Variants in COPS3 observed in about 807,000 individuals in gnomAD.
COPS3 encodes COP9 signalosome subunit 3, also known as COP9 signalosome complex subunit 3.
Under a neutral mutation model 58.2 loss-of-function variants are expected in COPS3, and 10 were observed. The observed-to-expected ratio is 0.17, with a 90% CI of 0.11 to 0.29. The LOEUF (loss-of-function observed/expected upper bound fraction) is 0.29. Ranked by LOEUF, COPS3 falls within the 10% of genes least tolerant of loss-of-function variation. The probability of loss-of-function intolerance (pLI) is 1.00; values close to 1 mark genes in which losing one functional copy is unlikely to be tolerated. For synonymous variants in COPS3, 187 were observed against 181.7 expected (o/e 1.03, Z -0.24); for missense variants, 333 against 510.1 (o/e 0.65, Z 3.34).
Position 17,280,684 on chromosome 17 carries a change from A to C in COPS3, c.55+448T>G, listed in dbSNP as rs767538513. 10 of 1,290,398 alleles carry C rather than the reference A, an allele frequency of 7.7e-6. No homozygotes were observed. The South Asian group carries it at 1.3e-4, about 16-fold the overall frequency. 79.9% of individuals were successfully genotyped at this position (1,290,398 alleles called of 1,614,324 possible). A position where few individuals can be genotyped will look rare whatever the true frequency, so the allele number is the denominator to read the frequency against. On this transcript the variant is annotated intron_variant, in intron 1 of 11. Transcript: ENST00000268717. ...CAGAGGCGAGCCATAGAGCCAAGAC[A>C]CCCAGAACGGACTCGCCTCCCGCCC...
At chr17:17,268,925 T>G (rs1159573287) in intron 4 of COPS3, among the ~76,000 whole-genome samples, 1 of 152,222 alleles carries the variant, frequency 6.6e-6, no homozygotes. Context: ...TCATGATTTT[T>G]CTTAACCATC....
intron 2 of COPS3, among the ~76,000 whole-genome samples, chr17:17,275,742 GAT>G (rs2048447720): frequency 6.6e-6 from 1 of 152,180 alleles, no homozygotes; most frequent in Admixed American, 6.5e-5. Flanking sequence ...AGGAGATCGA[GAT>G]CATCCTGGCT....
At chr17:17,265,383 A>G (rs931615458) in intron 5 of COPS3, among the ~76,000 whole-genome samples, 1 of 151,794 alleles carries the variant, frequency 6.6e-6, no homozygotes. Flanking sequence ...TTAGCCATTC[A>G]GAAAAAAACA....
intron 6 of COPS3, among the ~76,000 whole-genome samples, chr17:17,263,510 C>CTTTTTTTTT (rs34755381): frequency 1.6e-4 from 16 of 98,870 alleles, no homozygotes; most frequent in African/African-American, 6.5e-4. Context: ...CTTGCCTTTT[C>CTTTTTTTTT]TTTTTTTTTT....
intron 2 of COPS3, among the ~76,000 whole-genome samples, chr17:17,273,108 T>A (rs1207120142): frequency 2.6e-5 from 4 of 152,302 alleles, no homozygotes; most frequent in South Asian, 2.1e-4. Flanking sequence ...TGAAATGATA[T>A]AAATAAACTG....
intron 7 of COPS3, chr17:17,261,497 G>T: frequency 3.5e-6 from 1 of 289,166 alleles, no homozygotes; most frequent in South Asian, 3.2e-5. Context: ...CTGCACTCCA[G>T]CTTTGGTGAC....
rs1387883200 is a variant in COPS3, at chr17:17,257,796, C to CA, written c.936+2504dup. ...TGGGAGACAGAGCAAGACTCCGTCTCAAAAAAAAAAAAAAAGAAAAAGAAA... is the reference window on the plus strand; with the variant it reads ...TGGGAGACAGAGCAAGACTCCGTCTCAAAAAAAAAAAAAAAAGAAAAAGAAA... On this transcript the variant is annotated intron_variant, in intron 8 of 11. Coordinates refer to ENST00000268717, the MANE Select transcript of COPS3 (RefSeq NM_003653.4). Among the ~76,000 whole-genome samples the CA allele has an allele frequency of 7.8e-3, 465 of 59,936 alleles. 2 individuals are homozygous for CA. Among genetic ancestry groups the CA allele is most frequent in the African/African-American group, 0.013 (200 of 15,698 alleles). 39.3% of individuals were successfully genotyped at this position (59,936 alleles called of 152,430 possible).
At chr17:17,254,588 G>C (rs1011992598) in intron 9 of COPS3, among the ~76,000 whole-genome samples, 1 of 152,044 alleles carries the variant, frequency 6.6e-6, no homozygotes, top group Non-Finnish European at 1.5e-5. Flanking sequence ...GAGGCGGGCA[G>C]ATCACGTGGT....
chr17:17,276,483 T>C (rs764768967), intron 1 of COPS3, among the ~76,000 whole-genome samples: 3 of 152,110 alleles, frequency 2.0e-5, no homozygotes, highest in Non-Finnish European at 4.4e-5. Flanking sequence ...ATGATTTAGT[T>C]TTACTTCCAA....
At chr17:17,249,943 A>C (rs768010029) in intron 9 of COPS3, among the ~76,000 whole-genome samples, 20 of 152,028 alleles carry the variant, frequency 1.3e-4, no homozygotes, top group Non-Finnish European at 2.6e-4. Context: ...TTTTAAAGTG[A>C]GCAATTAATT....
chr17:17,271,501 G>C (rs1163365712), intron 2 of COPS3, among the ~76,000 whole-genome samples: 1 of 151,524 alleles, frequency 6.6e-6, no homozygotes, highest in Non-Finnish European at 1.5e-5. Flanking sequence ...TCACTATACA[G>C]AACGGACACA....
At chr17:17,265,127 C>T (rs1331922374) in intron 5 of COPS3, 146 bp from the exon 6 acceptor site, 1 of 729,636 alleles carries the variant, frequency 1.4e-6, no homozygotes, top group African/African-American at 1.8e-5. Context: ...AATGTCAACA[C>T]ATTTCATGTA....
intron 10 of COPS3, chr17:17,247,795 T>G (rs761730553): frequency 4.7e-6 from 2 of 423,832 alleles, no homozygotes; most frequent in Non-Finnish European, 8.4e-6. Flanking sequence ...ATCAAACACA[T>G]AGTATCTTTT....
chr17:17,247,431 C>G (rs989027580), intron 11 of COPS3, 49 bp downstream of exon 11: 1 of 1,537,868 alleles, frequency 6.5e-7, no homozygotes. Flanking sequence ...TGACAACACC[C>G]CTCCTTCTCC....
At chr17:17,257,613 C>T (rs1268649494) in intron 8 of COPS3, among the ~76,000 whole-genome samples, 10 of 150,664 alleles carry the variant, frequency 6.6e-5, no homozygotes, top group African/African-American at 1.5e-4. Context: ...CTAGCTAACA[C>T]GGTGAAACCC....
At chr17:17,263,336 G>A (rs2048148036) in intron 6 of COPS3, among the ~76,000 whole-genome samples, 1 of 151,502 alleles carries the variant, frequency 6.6e-6, no homozygotes, top group African/African-American at 2.4e-5. Flanking sequence ...GAGTAGCTGG[G>A]ATTACAGGCG....
chr17:17,275,893 G>A (rs893410214), intron 2 of COPS3, 142 bp downstream of exon 2: 1 of 706,042 alleles, frequency 1.4e-6, no homozygotes, highest in Non-Finnish European at 2.1e-6. Context: ...AGTGTGCCAA[G>A]AATGTGCCAC....
intron 2 of COPS3, among the ~76,000 whole-genome samples, chr17:17,271,939 T>C (rs575570844): frequency 6.8e-6 from 1 of 147,742 alleles, no homozygotes; most frequent in East Asian, 2.0e-4. Context: ...TTTATATATA[T>C]ATATATGTTT....
intron 7 of COPS3, 82 bp from the exon 8 acceptor site, chr17:17,260,556 C>T: frequency 7.1e-7 from 1 of 1,400,864 alleles, no homozygotes; most frequent in Admixed American, 1.8e-5. Context: ...GTAATCTCAA[C>T]ACTTTGGGAG....
Sources: allele counts gnomAD v4.1 joint callset (sites outside exome capture counted in the v4.1 genomes callset), GRCh38; gene constraint gnomAD v4.1.1; transcripts MANE v1.5; gene names NCBI Gene and HGNC (gene_info 2026-07-23, HGNC 2026-07-21).